Variants in MGAM observed in about 807,000 individuals in gnomAD.
MGAM encodes the protein alpha-1,4-glucosidase.
Under a neutral mutation model 358.8 loss-of-function variants are expected in MGAM, and 253 were observed. The observed-to-expected ratio is 0.71, with a 90% CI of 0.64 to 0.78. The LOEUF is 0.78. Ranked by LOEUF, MGAM falls within the 30% of genes least tolerant of loss-of-function variation. The pLI, the probability that MGAM is intolerant of heterozygous loss-of-function variation, is 0.00. For synonymous variants in MGAM, 1,105 were observed against 1,227.1 expected (o/e 0.90, Z 2.08); for missense variants, 3,080 against 3,432.6 (o/e 0.90, Z 2.57).
chr7:142,080,295 G>C (rs1390951372), intron 49 of MGAM, among the ~76,000 whole-genome samples: 2 of 146,094 alleles, frequency 1.4e-5, no homozygotes, highest in African/African-American at 4.9e-5. Flanking sequence ...CCATAACACT[G>C]CCTTATTGAG....
intron 5 of MGAM, 44 bp downstream of exon 5, chr7:142,021,127 T>A: frequency 7.1e-7 from 1 of 1,411,562 alleles, no homozygotes; most frequent in Non-Finnish European, 9.8e-7. Context: ...TGAGAGACTT[T>A]TATTCCCTAT....
chr7:142,023,207 C>T (rs1412491361), intron 7 of MGAM, among the ~76,000 whole-genome samples: 3 of 151,908 alleles, frequency 2.0e-5, no homozygotes, highest in Non-Finnish European at 4.4e-5. Context: ...ACTAAAGGTG[C>T]GTGTCACCAT....
rs72088649 is a variant in MGAM at position 142,041,970 on chromosome 7, T to TTA, written c.2498+1135_2498+1136dup. The stretch of plus-strand genomic sequence containing the variant: ...TATACATATATATAATATATATATA[T>TTA]TATATATATATAATATAATATATAT... On this transcript the variant is annotated intron_variant, in intron 21 of 70. Transcript: ENST00000475668. Among the ~76,000 whole-genome samples the TTA allele has an allele frequency of 2.9e-3, 54 of 18,618 alleles. 1 individual carries two copies. Among genetic ancestry groups the TTA allele is most frequent in the Admixed American group, 3.7e-3 (3 of 808 alleles). The allele number at this position is 18,618 out of a possible 152,430, so 12.2% of individuals were successfully genotyped here. A position where few individuals can be genotyped will look rare whatever the true frequency, so the allele number is the denominator to read the frequency against.
intron 47 of MGAM, among the ~76,000 whole-genome samples, 185 bp downstream of exon 47, chr7:142,077,011 A>T (rs1379754345): frequency 6.9e-6 from 1 of 145,138 alleles, no homozygotes; most frequent in Non-Finnish European, 1.6e-5. Context: ...AGCTAGAATG[A>T]GTTGGGTATT....
intron 70 of MGAM, among the ~76,000 whole-genome samples, chr7:142,105,445 G>C (rs935999311): frequency 6.6e-6 from 1 of 152,028 alleles, no homozygotes; most frequent in Admixed American, 6.6e-5. Flanking sequence ...CTGCCACCAC[G>C]CCTGGCTAAT....
rs1816877247 is a variant in MGAM, at chr7:142,106,658, A to G, written c.*767A>G. On this transcript the variant is annotated 3_prime_UTR_variant, in exon 71 of 71. Coordinates refer to ENST00000475668, the MANE Select transcript of MGAM (RefSeq NM_001365693.1). ...CAGTAGTGTGCTTTGAAATGTGTAA[A>G]TCTTATTTCTAATGTATACAACCAC... 1 of 152,216 alleles carries G rather than the reference A, an allele frequency of 6.6e-6. No homozygotes were observed. The highest frequency in any genetic ancestry group is 2.4e-5 in the African/African-American group (1 of 41,452). The allele number at this position is 152,216 out of a possible 1,614,324, so 9.4% of individuals were successfully genotyped here.
At chr7:142,105,733 C>A in intron 70 of MGAM, 81 bp from the exon 71 acceptor site, 1 of 1,046,674 alleles carries the variant, frequency 9.6e-7, no homozygotes, top group Non-Finnish European at 1.5e-6. Context: ...GTTATTTGGA[C>A]TGGATACTTG....
Position 142,038,585 on chromosome 7 carries a change from C to T in MGAM, c.2286C>T (p.Pro762=), listed in dbSNP as rs143712210. The change falls in exon 19 of 71, where the codon CCC becomes CCT. Residue 762 remains proline, a synonymous_variant. Transcript: ENST00000475668. ...TGCACCAACAGTTCTTATGGGGGCC[C>T]GGCCTCCTCATCACTCCAGTTCTGG... ...WDVHQQFLWG[P]GLLITPVLDE... is the part of the protein sequence containing the mutation. 3.9e-4 allele frequency: 629 copies of T among 1,610,664 alleles called. 6 individuals carry two copies. The East Asian group carries it at 0.013, about 33-fold the overall frequency.
At chr7:142,024,414 G>GA (rs10580224) in intron 7 of MGAM, among the ~76,000 whole-genome samples, 158 of 138,912 alleles carry the variant, frequency 1.1e-3, no homozygotes, top group African/African-American at 1.9e-3. Context: ...ACCCTGTCTG[G>GA]AAAAAAAAAA....
At position 142,093,286 on chromosome 7, in the gene MGAM, G is replaced by A. The variant is rs189796887; in HGVS notation, c.7034-126G>A. 859 of 1,260,562 alleles carry A rather than the reference G, an allele frequency of 6.8e-4. 85 individuals carry two copies. The highest frequency in any genetic ancestry group is 8.5e-4 in the Non-Finnish European group (767 of 904,036). The allele number at this position is 1,260,562 out of a possible 1,614,324, so 78.1% of individuals were successfully genotyped here. A position where few individuals can be genotyped will look rare whatever the true frequency, so the allele number is the denominator to read the frequency against. ...GGGGGCGCTGTGCTCATGTCTCTGG[G>A]AAGACGGAGAGTGACACAGGCAGGA... On this transcript the variant is annotated intron_variant, in intron 59 of 70. Transcript: ENST00000475668.
chr7:142,093,070 C>T (rs1465485064), intron 59 of MGAM, among the ~76,000 whole-genome samples: 1 of 146,546 alleles, frequency 6.8e-6, no homozygotes, highest in Non-Finnish European at 1.5e-5. Flanking sequence ...GTCCAAATCT[C>T]AGTCTGCTAA....
chr7:142,014,938 GT>G (rs753178555), intron 3 of MGAM, among the ~76,000 whole-genome samples: 13 of 151,192 alleles, frequency 8.6e-5, no homozygotes, highest in Non-Finnish European at 1.5e-4. Flanking sequence ...ATTTTTGTAA[GT>G]TTTTTTTTAC....
At chr7:142,021,819 CA>C in intron 6 of MGAM, 82 bp downstream of exon 6, 1 of 1,432,136 alleles carries the variant, frequency 7.0e-7, no homozygotes, top group East Asian at 2.3e-5. Flanking sequence ...GGTGTTTCAA[CA>C]ATATTCCTGA....
At chr7:142,055,822 A>G in intron 28 of MGAM, 96 bp downstream of exon 28, 3 of 1,569,668 alleles carry the variant, frequency 1.9e-6, no homozygotes, top group Non-Finnish European at 2.6e-6. Context: ...CTTGGTCATC[A>G]CATTCTGCTT....
chr7:141,996,613 G>C (rs1554448757), intron 1 of MGAM, among the ~76,000 whole-genome samples: 1 of 152,194 alleles, frequency 6.6e-6, no homozygotes, highest in Non-Finnish European at 1.5e-5. Context: ...GAATTTGGGA[G>C]TGAGATTAGA....
chr7:142,061,093 G>A (rs1812148943), intron 34 of MGAM, among the ~76,000 whole-genome samples: 1 of 152,146 alleles, frequency 6.6e-6, no homozygotes, highest in Non-Finnish European at 1.5e-5. Flanking sequence ...GAAGGCAGAA[G>A]CCACAAGGCA....
chr7:142,006,691 G>A lies in MGAM; in HGVS notation c.127+1034G>A, dbSNP rs572444174. On this transcript the variant is annotated intron_variant, in intron 2 of 70. Transcript: ENST00000475668. ...CCACTTGTTTAAAATTTCTGTTTAA[G>A]GTTCTGCTCTTGTTTGCAGCTGATG... is the stretch of plus-strand genomic sequence containing the variant. Among the ~76,000 whole-genome samples, 12 of 152,194 alleles carry A rather than the reference G, an allele frequency of 7.9e-5. No homozygotes were observed. The South Asian group carries it at 2.5e-3, about 32-fold the overall frequency.
chr7:142,003,984 A>G (rs1291244915), intron 1 of MGAM, among the ~76,000 whole-genome samples: 4 of 152,100 alleles, frequency 2.6e-5, no homozygotes, highest in African/African-American at 9.6e-5. Flanking sequence ...TTAAAACCAC[A>G]AATGAGATGA....
intron 3 of MGAM, among the ~76,000 whole-genome samples, chr7:142,014,524 A>G (rs1343046875): frequency 6.6e-6 from 1 of 152,170 alleles, no homozygotes; most frequent in East Asian, 1.9e-4. Flanking sequence ...ACAAAAATAT[A>G]TAACCATTAT....
Sources: gnomAD v4.1 joint callset for allele counts (sites outside exome capture counted in the v4.1 genomes callset) on GRCh38, gnomAD v4.1.1 for gene constraint, MANE v1.5 for transcripts, NCBI Gene and HGNC (gene_info 2026-07-23, HGNC 2026-07-21) for gene names.